The following RIMKLB variants were observed in gnomAD, a reference collection of about 807,000 sequenced individuals.
RIMKLB encodes ribosomal modification protein rimK like family member B.
Under a neutral mutation model 32.0 loss-of-function variants are expected in RIMKLB, and 7 were observed. The ratio of observed to expected loss-of-function variants is 0.22; its 90% CI spans 0.12 to 0.41. The LOEUF is 0.41. Ranked by LOEUF, RIMKLB falls within the 10% of genes least tolerant of loss-of-function variation. The pLI is 1.00. For synonymous variants in RIMKLB, 172 were observed against 185.1 expected, an observed-to-expected ratio of 0.93 and a Z score of 0.57; for missense variants, 289 against 498.7, an observed-to-expected ratio of 0.58 and a Z score of 4.00.
In RIMKLB at chr12:8,773,980, TAGAGAGGC is replaced by T; in HGVS notation, c.*200_*207del. 1 of 1,389,504 alleles carries T rather than the reference TAGAGAGGC, an allele frequency of 7.2e-7. No homozygotes were observed. Among genetic ancestry groups the T allele is most frequent in the Non-Finnish European group, 9.3e-7 (1 of 1,075,692 alleles). 86.1% of individuals were successfully genotyped at this position (1,389,504 alleles called of 1,614,324 possible). Reference sequence around the variant, plus strand: ...TACTTTCATTTACAAATCCTACAAATAGAGAGGCAGAATAGGTGGGGTATAGAAAAATG... The same window carrying T: ...TACTTTCATTTACAAATCCTACAAATAGAATAGGTGGGGTATAGAAAAATG... On this transcript the variant is annotated 3_prime_UTR_variant, in exon 6 of 6. Coordinates refer to ENST00000535829, the MANE Select transcript of RIMKLB (RefSeq NM_001297776.2).
At chr12:8,760,739 ACTT>A (rs1377850516) in intron 5 of RIMKLB, among the ~76,000 whole-genome samples, 2 of 152,038 alleles carry the variant, frequency 1.3e-5, no homozygotes, top group East Asian at 3.9e-4. Flanking sequence ...TGCATAAATG[ACTT>A]CTTTTGAGAA....
chr12:8,730,677 A>C (rs1247388574), intron 2 of RIMKLB, among the ~76,000 whole-genome samples: 1 of 152,208 alleles, frequency 6.6e-6, no homozygotes, highest in Non-Finnish European at 1.5e-5. Flanking sequence ...TGCATTGTGG[A>C]AAGGGTAGGG....
chr12:8,740,164 C>T (rs1319447176), intron 2 of RIMKLB, among the ~76,000 whole-genome samples: 2 of 152,160 alleles, frequency 1.3e-5, no homozygotes, highest in Non-Finnish European at 2.9e-5. Flanking sequence ...CCTCGTCCTC[C>T]CAAAGTGCTG....
Position 8,776,572 on chromosome 12 carries a change from T to C in RIMKLB, c.*2788T>C. ...GTAATTCTAAATTGTATTTCAAAAA[T>C]GATTATTTCTGATATTGTTTTTATG... On this transcript the variant is annotated 3_prime_UTR_variant, in exon 6 of 6. Transcript: ENST00000535829. 1 of 825,872 alleles carries C rather than the reference T, an allele frequency of 1.2e-6. No homozygotes were observed. Among genetic ancestry groups the C allele is most frequent in the Non-Finnish European group, 1.5e-6 (1 of 684,736 alleles). The allele number at this position is 825,872 out of a possible 1,614,324, so 51.2% of individuals were successfully genotyped here.
At chr12:8,760,079 A>G (rs1949386561) in intron 5 of RIMKLB, among the ~76,000 whole-genome samples, 1 of 152,118 alleles carries the variant, frequency 6.6e-6, no homozygotes. Flanking sequence ...ATATCTCCTA[A>G]TGCTATCCCT....
intron 2 of RIMKLB, among the ~76,000 whole-genome samples, chr12:8,717,943 C>T (rs1945026169): frequency 6.6e-6 from 1 of 152,154 alleles, no homozygotes; most frequent in Non-Finnish European, 1.5e-5. Context: ...GAATAATGTA[C>T]TGTGCTGTTG....
At chr12:8,757,901 C>A (rs1003320279) in intron 5 of RIMKLB, among the ~76,000 whole-genome samples, 2 of 151,942 alleles carry the variant, frequency 1.3e-5, no homozygotes, top group Non-Finnish European at 2.9e-5. Flanking sequence ...AACTTCTTGC[C>A]AACCTGTAAG....
intron 2 of RIMKLB, among the ~76,000 whole-genome samples, chr12:8,725,261 G>A (rs1591756460): frequency 6.6e-6 from 1 of 152,130 alleles, no homozygotes; most frequent in South Asian, 2.1e-4. Flanking sequence ...GAAGGCAAAG[G>A]ATGCTCTACT....
At chr12:8,678,493 G>C (rs1942358059), upstream of RIMKLB, among the ~76,000 whole-genome samples, 1 of 151,436 alleles carries the variant, frequency 6.6e-6, no homozygotes, top group South Asian at 2.1e-4. Context: ...ACCACGCTCT[G>C]CTAATTTTGT....
At chr12:8,696,416 A>T (rs115192902), upstream of RIMKLB, among the ~76,000 whole-genome samples, 1 of 152,190 alleles carries the variant, frequency 6.6e-6, no homozygotes, top group African/African-American at 2.4e-5. Flanking sequence ...AATTTTGTAA[A>T]CCAACTAGAC....
chr12:8,676,199 A>T, the RIMKLB span, among the ~76,000 whole-genome samples: 13 of 151,536 alleles, frequency 8.6e-5, no homozygotes, highest in Non-Finnish European at 1.6e-4. Context: ...CAGCTCTCCC[A>T]GTAGCTGGGA....
rs753604050 is a variant in RIMKLB, at chr12:8,752,005, A to C, written c.455A>C (p.Glu152Ala). Residue 152 changes from glutamate to alanine, a missense_variant, in exon 4 of 6, where the codon GAG becomes GCG. By Grantham distance (107) the Glu-to-Ala change is moderately radical. Transcript: ENST00000535829. Reference protein sequence around the residue: ...AKMIDEAEVLEFPMVVKNTRG... With the variant: ...AKMIDEAEVLAFPMVVKNTRG... ...ATGATTGATGAGGCTGAAGTTCTGG[A>C]GTTCCCAATGGTAGTAAAGAATACG... 23 of 1,613,620 alleles carry C rather than the reference A, an allele frequency of 1.4e-5. No individual in the cohort carries two copies. Among genetic ancestry groups the C allele is most frequent in the Non-Finnish European group, 1.9e-5 (23 of 1,179,690 alleles).
At chr12:8,772,244 G>T (rs750466708) in intron 5 of RIMKLB, among the ~76,000 whole-genome samples, 1 of 152,130 alleles carries the variant, frequency 6.6e-6, no homozygotes, top group African/African-American at 2.4e-5. Context: ...CATATTACTT[G>T]ATTTTCTAAG....
At position 8,771,758 on chromosome 12, in the gene RIMKLB, G is replaced by A. The variant is rs538607658; in HGVS notation, c.698-1563G>A. Among the ~76,000 whole-genome samples, 174 of 152,156 alleles carry A rather than the reference G, an allele frequency of 1.1e-3. 1 individual carries two copies. The highest frequency in any genetic ancestry group is 1.9e-3 in the Non-Finnish European group (126 of 68,006). Reference sequence around the variant, plus strand: ...ACCTGGATTTTAGCTGTTTTAGTCAGCAGACTAAATTTCTTCCTTATACAG... The same window carrying A: ...ACCTGGATTTTAGCTGTTTTAGTCAACAGACTAAATTTCTTCCTTATACAG... On this transcript the variant is annotated intron_variant, in intron 5 of 5. Transcript: ENST00000535829.
intron 5 of RIMKLB, 113 bp downstream of exon 5, chr12:8,754,206 C>T (rs1825123085): frequency 1.4e-6 from 1 of 732,024 alleles, no homozygotes; most frequent in South Asian, 1.7e-5. Context: ...AAACGTATTT[C>T]CTTTTACATG....
intron 1 of RIMKLB, 100 bp downstream of exon 1, chr12:8,698,397 CG>C (rs1943045867): frequency 1.7e-5 from 3 of 173,852 alleles, no homozygotes; most frequent in South Asian, 7.9e-5. Flanking sequence ...CCCCGATTAG[CG>C]GGGGCTGGGC....
Position 8,774,876 on chromosome 12 carries a change from G to A in RIMKLB, c.*1092G>A, listed in dbSNP as rs1370511427. ...TTTCACATTTTACGAGGGAGTATATGTGTATGTGTGTGCACGCATGCATGT... is the reference window on the plus strand; with the variant it reads ...TTTCACATTTTACGAGGGAGTATATATGTATGTGTGTGCACGCATGCATGT... On this transcript the variant is annotated 3_prime_UTR_variant, in exon 6 of 6. Coordinates refer to ENST00000535829, the MANE Select transcript of RIMKLB (RefSeq NM_001297776.2). 1 of 985,504 alleles carries A rather than the reference G, an allele frequency of 1.0e-6. No individual in the cohort carries two copies. Among genetic ancestry groups the A allele is most frequent in the African/African-American group, 1.7e-5 (1 of 57,214 alleles). The allele number at this position is 985,504 out of a possible 1,614,324, so 61.0% of individuals were successfully genotyped here.
intron 2 of RIMKLB, among the ~76,000 whole-genome samples, chr12:8,737,552 T>C (rs1565596828): frequency 6.6e-6 from 1 of 152,188 alleles, no homozygotes; most frequent in Non-Finnish European, 1.5e-5. Context: ...AGACTGTAAA[T>C]ATCCTATTTT....
chr12:8,700,172 T>TAA (rs1200200399), intron 1 of RIMKLB: 2 of 152,204 alleles, frequency 1.3e-5, no homozygotes, highest in Non-Finnish European at 2.9e-5. Context: ...TAAACTCTTC[T>TAA]AAATCTTCCA....
Sources: gnomAD v4.1 joint callset for allele counts (sites outside exome capture counted in the v4.1 genomes callset) on GRCh38, gnomAD v4.1.1 for gene constraint, MANE v1.5 for transcripts, NCBI Gene and HGNC (gene_info 2026-07-23, HGNC 2026-07-21) for gene names.